Variants in DLG2 observed in about 807,000 individuals in gnomAD.
DLG2 encodes the protein disks large homolog 2.
A neutral mutation model predicts 132.5 loss-of-function variants in DLG2; 45 were observed. The observed-to-expected ratio is 0.34, with a 90% CI of 0.27 to 0.44. The LOEUF (loss-of-function observed/expected upper bound fraction) is 0.44, where lower values mean the gene tolerates loss of function less well. Ranked by LOEUF, DLG2 falls within the 20% of genes least tolerant of loss-of-function variation. The probability of loss-of-function intolerance (pLI) is 1.00; values close to 1 mark genes in which losing one functional copy is unlikely to be tolerated. For synonymous variants in DLG2, 424 were observed against 419.6 expected (o/e 1.01, Z -0.13); for missense variants, 1,045 against 1,196.9 (o/e 0.87, Z 1.87).
At chr11:83,958,720 TA>T (rs2087603712) in intron 14 of DLG2, among the ~76,000 whole-genome samples, 2 of 152,134 alleles carry the variant, frequency 1.3e-5, no homozygotes, top group Non-Finnish European at 2.9e-5. Context: ...CTTGGCCCAG[TA>T]AAGATAGAAC....
chr11:84,482,738 T>C (rs1168214396), intron 7 of DLG2, among the ~76,000 whole-genome samples: 1 of 152,216 alleles, frequency 6.6e-6, no homozygotes, highest in African/African-American at 2.4e-5. Flanking sequence ...GATGAAGTCC[T>C]TTGAGAGCCC....
chr11:84,833,536 C>G (rs181150854), intron 6 of DLG2, among the ~76,000 whole-genome samples: 1 of 151,498 alleles, frequency 6.6e-6, no homozygotes, highest in East Asian at 2.0e-4. Flanking sequence ...TTGACATCAT[C>G]AACTCCTTAG....
intron 6 of DLG2, among the ~76,000 whole-genome samples, chr11:84,910,910 G>A (rs765291544): frequency 1.3e-5 from 2 of 152,138 alleles, no homozygotes; most frequent in Non-Finnish European, 2.9e-5. Flanking sequence ...TACACTAGAA[G>A]TACAAAGTAA....
At chr11:84,860,983 G>A (rs1315945904) in intron 6 of DLG2, among the ~76,000 whole-genome samples, 1 of 151,994 alleles carries the variant, frequency 6.6e-6, no homozygotes, top group African/African-American at 2.4e-5. Flanking sequence ...CATCTACTAT[G>A]TGTTCATACA....
At chr11:85,136,231 G>A (rs1255232591) in intron 5 of DLG2, among the ~76,000 whole-genome samples, 4 of 152,156 alleles carry the variant, frequency 2.6e-5, no homozygotes, top group South Asian at 4.1e-4. Flanking sequence ...GTAAATGCAT[G>A]TACAATATGT....
rs573438387 is a variant in DLG2 at position 84,003,669 on chromosome 11, T to A, written c.920-23027A>T. 7.9e-5 allele frequency among the ~76,000 whole-genome samples: 12 copies of A among 152,266 alleles called. No homozygotes were observed. In the East Asian group the frequency reaches 2.3e-3, roughly 29 times the overall value. On this transcript the variant is annotated intron_variant, in intron 11 of 27. Transcript: ENST00000376104. ...GGGGGAAAACACCCCCATGATTCAGTTACCTCCACCTGGTCTCTCCCTTGA... is the reference window on the plus strand; with the variant it reads ...GGGGGAAAACACCCCCATGATTCAGATACCTCCACCTGGTCTCTCCCTTGA...
At chr11:85,174,994 A>G (rs187123500) in intron 4 of DLG2, among the ~76,000 whole-genome samples, 1 of 152,290 alleles carries the variant, frequency 6.6e-6, no homozygotes, top group East Asian at 1.9e-4. Context: ...CAACCAAAAA[A>G]AGCCCAGGAC....
At chr11:84,155,699 C>A (rs1007470675) in intron 9 of DLG2, among the ~76,000 whole-genome samples, 7 of 152,058 alleles carry the variant, frequency 4.6e-5, no homozygotes, top group African/African-American at 1.7e-4. Flanking sequence ...AACCAATAAA[C>A]CACTGATTAA....
intron 3 of DLG2, among the ~76,000 whole-genome samples, chr11:85,487,303 T>C (rs889392190): frequency 2.0e-5 from 3 of 151,384 alleles, no homozygotes; most frequent in South Asian, 2.1e-4. Flanking sequence ...AACAATTCCC[T>C]GAAATAAATC....
chr11:84,199,029 C>G (rs1397989252), intron 8 of DLG2, among the ~76,000 whole-genome samples: 1 of 152,098 alleles, frequency 6.6e-6, no homozygotes, highest in Non-Finnish European at 1.5e-5. Flanking sequence ...GAAAAATTCT[C>G]AAGTGCAGTA....
chr11:83,889,473 A>T (rs1419674462), intron 15 of DLG2, among the ~76,000 whole-genome samples: 4 of 152,282 alleles, frequency 2.6e-5, no homozygotes, highest in Non-Finnish European at 5.9e-5. Context: ...GCTGGAGAGG[A>T]TGTGGAGAAA....
intron 6 of DLG2, among the ~76,000 whole-genome samples, chr11:84,951,557 A>C (rs776203459): frequency 1.2e-4 from 18 of 151,434 alleles, no homozygotes; most frequent in Non-Finnish European, 2.1e-4. Flanking sequence ...TAACTACAAT[A>C]AGTCCTCATA....
chr11:85,209,613 T>A (rs1400019234), intron 4 of DLG2, among the ~76,000 whole-genome samples: 1 of 147,840 alleles, frequency 6.8e-6, no homozygotes, highest in Non-Finnish European at 1.5e-5. Context: ...TTTTTTTTTG[T>A]ATGTTCAGTA....
At chr11:84,522,777 T>C (rs756979686) in intron 7 of DLG2, among the ~76,000 whole-genome samples, 1 of 152,224 alleles carries the variant, frequency 6.6e-6, no homozygotes, top group African/African-American at 2.4e-5. Flanking sequence ...TTTATACTTA[T>C]TAAACAAGAT....
intron 7 of DLG2, among the ~76,000 whole-genome samples, chr11:84,481,193 G>C (rs540612359): frequency 6.6e-6 from 1 of 152,262 alleles, no homozygotes; most frequent in East Asian, 1.9e-4. Flanking sequence ...CTATCATATG[G>C]ATGTTTACTA....
rs535049009 is a variant in DLG2 at position 84,369,002 on chromosome 11, C to T, written c.520-117711G>A. ...TTAATTACTTCTCCACATGAGGTAA[C>T]GTATTCACAATGTAATGGCTTTGCC... On this transcript the variant is annotated intron_variant, in intron 7 of 27. Transcript: ENST00000376104. Among the ~76,000 whole-genome samples, 15 of 152,084 alleles carry T rather than the reference C, an allele frequency of 9.9e-5. No homozygotes were observed. The South Asian group carries it at 1.7e-3, about 17-fold the overall frequency.
At chr11:83,477,237 G>C (rs2092692745) in intron 22 of DLG2, among the ~76,000 whole-genome samples, 1 of 151,998 alleles carries the variant, frequency 6.6e-6, no homozygotes, top group African/African-American at 2.4e-5. Flanking sequence ...CTAATACATG[G>C]GTGACTGTAA....
intron 18 of DLG2, among the ~76,000 whole-genome samples, chr11:83,642,519 TAAC>T (rs1229243827): frequency 1.3e-5 from 2 of 152,178 alleles, no homozygotes; most frequent in Admixed American, 1.3e-4. Flanking sequence ...TATAGGCAAA[TAAC>T]AATCTGAATC....
At chr11:84,840,884 G>A (rs11234198) in intron 6 of DLG2, among the ~76,000 whole-genome samples, 142,929 of 151,934 alleles carry the variant, frequency 0.94, 68,053 homozygotes, top group Middle Eastern at 0.99. Flanking sequence ...AGAATACCTA[G>A]TGTAAATGAC....
Sources: gnomAD v4.1 joint callset for allele counts (sites outside exome capture counted in the v4.1 genomes callset) on GRCh38, gnomAD v4.1.1 for gene constraint, MANE v1.5 for transcripts, NCBI Gene and HGNC (gene_info 2026-07-23, HGNC 2026-07-21) for gene names.